Variants in KCNIP4 observed in about 807,000 individuals in gnomAD.
KCNIP4 encodes potassium voltage-gated channel interacting protein 4.
KCNIP4 carries 12 observed loss-of-function variants against 34.0 expected under a neutral mutation model. That is an observed-to-expected ratio of 0.35 (90% CI 0.23 to 0.57). The LOEUF is 0.57. Among genes scored for constraint, KCNIP4 ranks in the 20% least tolerant of loss-of-function variants. The pLI is 0.83. For synonymous variants in KCNIP4, 124 were observed against 102.2 expected (o/e 1.21, Z -1.29); for missense variants, 238 against 311.7 (o/e 0.76, Z 1.78).
chr4:20,854,795 T>C (rs1411723085), intron 2 of KCNIP4, among the ~76,000 whole-genome samples: 1 of 152,108 alleles, frequency 6.6e-6, no homozygotes. Flanking sequence ...TACTGGATGG[T>C]TGGGGGCCTA....
intron 1 of KCNIP4, among the ~76,000 whole-genome samples, chr4:21,431,621 A>G (rs987676142): frequency 6.6e-6 from 1 of 152,106 alleles, no homozygotes; most frequent in Non-Finnish European, 1.5e-5. Flanking sequence ...AGGTTGACAT[A>G]TTACCAGAGA....
intron 1 of KCNIP4, among the ~76,000 whole-genome samples, chr4:20,951,157 T>C (rs1280454665): frequency 2.0e-5 from 3 of 151,994 alleles, no homozygotes; most frequent in Non-Finnish European, 2.9e-5. Context: ...TATACATGCA[T>C]AGAAGGGAGA....
At chr4:20,947,881 G>A (rs553751186) in intron 1 of KCNIP4, among the ~76,000 whole-genome samples, 2 of 152,284 alleles carry the variant, frequency 1.3e-5, no homozygotes, top group African/African-American at 4.8e-5. Context: ...CCAGCTTGGT[G>A]GGAAATGTTC....
At chr4:20,994,301 C>G (rs1737345341) in intron 1 of KCNIP4, among the ~76,000 whole-genome samples, 1 of 152,092 alleles carries the variant, frequency 6.6e-6, no homozygotes, top group South Asian at 2.1e-4. Flanking sequence ...ATAACATAAA[C>G]TGAAGCTCAC....
At chr4:21,477,927 C>T (rs1265006557) in intron 1 of KCNIP4, among the ~76,000 whole-genome samples, 1 of 152,070 alleles carries the variant, frequency 6.6e-6, no homozygotes, top group East Asian at 1.9e-4. Flanking sequence ...CTTTTATTCT[C>T]TTATTTTTCT....
At chr4:21,291,186 T>C (rs1304815474) in intron 1 of KCNIP4, among the ~76,000 whole-genome samples, 1 of 152,120 alleles carries the variant, frequency 6.6e-6, no homozygotes, top group Non-Finnish European at 1.5e-5. Context: ...TAAATATAAA[T>C]TCATCTCCCA....
intron 1 of KCNIP4, among the ~76,000 whole-genome samples, chr4:21,201,324 A>T (rs529145790): frequency 1.3e-5 from 2 of 152,354 alleles, no homozygotes; most frequent in South Asian, 4.1e-4. Context: ...AAGTTAAAAG[A>T]ACAGGAGGTG....
At chr4:20,955,938 T>C (rs1409957036) in intron 1 of KCNIP4, among the ~76,000 whole-genome samples, 2 of 152,210 alleles carry the variant, frequency 1.3e-5, no homozygotes, top group South Asian at 2.1e-4. Flanking sequence ...AGAAGGTAAA[T>C]GGCAATTTAC....
intron 1 of KCNIP4, among the ~76,000 whole-genome samples, chr4:21,528,675 C>G (rs6814024): frequency 0.11 from 9,477 of 83,996 alleles, 1,103 homozygotes; most frequent in Non-Finnish European, 0.14. Flanking sequence ...TCATAAAAAA[C>G]AAAGAAAGAA....
intron 3 of KCNIP4, among the ~76,000 whole-genome samples, chr4:20,772,256 C>T (rs1755962551): frequency 6.6e-6 from 1 of 152,128 alleles, no homozygotes; most frequent in Non-Finnish European, 1.5e-5. Context: ...ATCCCAATGT[C>T]TTTCAATCCT....
chr4:21,298,601 G>T (rs1014899987), intron 1 of KCNIP4, among the ~76,000 whole-genome samples: 28 of 152,166 alleles, frequency 1.8e-4, no homozygotes, highest in African/African-American at 6.3e-4. Context: ...TCGACTCTCA[G>T]TTTGAGAATA....
intron 1 of KCNIP4, among the ~76,000 whole-genome samples, chr4:21,482,399 C>T (rs1393041861): frequency 6.6e-6 from 1 of 152,146 alleles, no homozygotes; most frequent in African/African-American, 2.4e-5. Context: ...GCAGTTTCTT[C>T]CTAGCCTTGA....
intron 1 of KCNIP4, among the ~76,000 whole-genome samples, chr4:21,040,182 G>A (rs943187086): frequency 1.3e-5 from 2 of 152,132 alleles, no homozygotes; most frequent in Non-Finnish European, 2.9e-5. Flanking sequence ...GATGAGATTC[G>A]GGTGGGGAAA....
chr4:21,442,985 C>A (rs1453540122), intron 1 of KCNIP4, among the ~76,000 whole-genome samples: 2 of 152,176 alleles, frequency 1.3e-5, no homozygotes, highest in Admixed American at 6.5e-5. Context: ...TTCCTTCTTT[C>A]AGTTTGTTTC....
chr4:20,995,255 C>G (rs1297509227), intron 1 of KCNIP4, among the ~76,000 whole-genome samples: 1 of 152,024 alleles, frequency 6.6e-6, no homozygotes, highest in African/African-American at 2.4e-5. Flanking sequence ...AGATCTTTTT[C>G]TCTGTTGGGT....
rs77800244 is a variant in KCNIP4, at chr4:21,884,951, T to TCC, written c.61+63618_61+63619dup. ...CCCTGCCAACAAAAGTACAGTAGCC[T>TCC]CCCCCCCACTACTGTTATTTTCAAA... On this transcript the variant is annotated intron_variant, in intron 1 of 8. Coordinates refer to ENST00000382152, the MANE Select transcript of KCNIP4 (RefSeq NM_025221.6). Among the ~76,000 whole-genome samples the TCC allele has an allele frequency of 9.8e-4, 148 of 151,696 alleles. 1 individual carries two copies. Among genetic ancestry groups the TCC allele is most frequent in the Non-Finnish European group, 1.6e-3 (112 of 67,906 alleles).
intron 1 of KCNIP4, among the ~76,000 whole-genome samples, chr4:21,488,644 T>TA (rs1732116013): frequency 6.6e-6 from 1 of 151,944 alleles, no homozygotes; most frequent in South Asian, 2.1e-4. Context: ...AATAGAAAAA[T>TA]AAAACCAATA....
intron 3 of KCNIP4, among the ~76,000 whole-genome samples, chr4:20,823,558 C>T (rs973966368): frequency 1.2e-4 from 18 of 152,048 alleles, no homozygotes; most frequent in African/African-American, 4.1e-4. Flanking sequence ...TATAAAAAGA[C>T]ACAAGAAAGC....
chr4:21,944,428 G>T (rs1730380347), intron 1 of KCNIP4, among the ~76,000 whole-genome samples: 1 of 151,606 alleles, frequency 6.6e-6, no homozygotes, highest in East Asian at 1.9e-4. Context: ...GGTGGCGGGT[G>T]CACCCGTGAT....
Sources: allele counts gnomAD v4.1 joint callset (sites outside exome capture counted in the v4.1 genomes callset), GRCh38; gene constraint gnomAD v4.1.1; transcripts MANE v1.5; gene names NCBI Gene and HGNC (gene_info 2026-07-23, HGNC 2026-07-21).